Variants in HECTD4 observed in about 807,000 individuals in gnomAD.
HECTD4 encodes probable E3 ubiquitin-protein ligase HECTD4.
A neutral mutation model predicts 471.5 loss-of-function variants in HECTD4; 114 were observed. That is an observed-to-expected ratio of 0.24 (90% CI 0.21 to 0.28). HECTD4 has a LOEUF of 0.28. Among genes scored for constraint, HECTD4 ranks in the 10% least tolerant of loss-of-function variants. HECTD4 has a pLI of 1.00. For missense variants in HECTD4, 3,866 were observed against 5,651.5 expected (o/e 0.68, Z 10.13); for synonymous variants, 2,012 against 2,256.0 (o/e 0.89, Z 3.07).
At chr12:112,351,443 G>T (rs2036246912) in intron 1 of HECTD4, among the ~76,000 whole-genome samples, 1 of 152,166 alleles carries the variant, frequency 6.6e-6, no homozygotes, top group African/African-American at 2.4e-5. Flanking sequence ...TAACAGCATG[G>T]AGATCTTCTC....
intron 7 of HECTD4, among the ~76,000 whole-genome samples, chr12:112,302,833 A>G (rs1405265885): frequency 2.6e-5 from 4 of 152,158 alleles, no homozygotes; most frequent in Non-Finnish European, 5.9e-5. Flanking sequence ...ACAAAAGAAA[A>G]AAGAATAGAA....
intron 1 of HECTD4, among the ~76,000 whole-genome samples, chr12:112,368,667 T>C (rs531958301): frequency 2.4e-4 from 36 of 152,294 alleles, no homozygotes; most frequent in Admixed American, 1.6e-3. Context: ...TTTATCTATA[T>C]AAAAATATGA....
intron 62 of HECTD4, among the ~76,000 whole-genome samples, chr12:112,181,606 G>A (rs1184740608): frequency 6.6e-6 from 1 of 152,172 alleles, no homozygotes; most frequent in Non-Finnish European, 1.5e-5. Context: ...GGGACTACAG[G>A]CATACGCCAC....
In HECTD4 at chr12:112,185,287, T is replaced by G. The variant is rs1182168442; in HGVS notation, c.9679A>C (p.Thr3227Pro). The G allele has an allele frequency of 1.3e-6, 2 of 1,554,512 alleles. No individual in the cohort carries two copies. The highest frequency in any genetic ancestry group is 8.7e-7 in the Non-Finnish European group (1 of 1,148,874). ...SELHKLYDEE[T>P]QNWVSGGACG... ...GCGCCGCCTGAGACCCAGTTCTGCG[T>G]CTCCTCGTCGTACAGCTTGTGGAGC... The change falls in exon 61 of 76, where the codon ACG (threonine) becomes CCG (proline). Residue 3227 changes from threonine to proline, a missense_variant. Physicochemically the swap from Thr to Pro is conservative, Grantham distance 38 (BLOSUM62 -1). Around this residue, in one of 16 missense-constraint regions of HECTD4, gnomAD observed 364 missense variants for 413.2 expected, o/e 0.88. Coordinates refer to ENST00000682272, the MANE Select transcript of HECTD4 (RefSeq NM_001388303.1).
At chr12:112,215,037 C>T (rs537653528) in intron 48 of HECTD4, among the ~76,000 whole-genome samples, 1 of 152,214 alleles carries the variant, frequency 6.6e-6, no homozygotes, top group African/African-American at 2.4e-5. Flanking sequence ...CCTGTAATCC[C>T]AGCTATTTGG....
chr12:112,194,293 T>C lies in HECTD4; in HGVS notation c.8749+592A>G, dbSNP rs1281425237. On this transcript the variant is annotated intron_variant, in intron 56 of 75. Transcript: ENST00000682272. The surrounding 1 kb of genome is among the most constrained non-coding windows in gnomAD (Gnocchi z 4.6). ...ATCTGCAAGTGAGCTTTGAGGGGTG[T>C]CCCCTGCCTGCCTCACTTCTTGTTC... 6.6e-6 allele frequency among the ~76,000 whole-genome samples: 1 copy of C among 152,208 alleles called. No individual in the cohort carries two copies. The highest frequency in any genetic ancestry group is 1.5e-5 in the Non-Finnish European group (1 of 68,036).
intron 8 of HECTD4, among the ~76,000 whole-genome samples, chr12:112,281,555 A>G (rs1432094194): frequency 6.6e-6 from 1 of 152,020 alleles, no homozygotes; most frequent in African/African-American, 2.4e-5. Flanking sequence ...AAACAAAAAC[A>G]AAAAAAACTG....
intron 55 of HECTD4, among the ~76,000 whole-genome samples, chr12:112,199,486 A>G (rs539061317): frequency 6.6e-6 from 1 of 152,360 alleles, no homozygotes; most frequent in South Asian, 2.1e-4. Context: ...AAAATTGTCA[A>G]CATCATGAGA....
chr12:112,306,018 A>G (rs2035265019), intron 7 of HECTD4, 46 bp downstream of exon 7: 1 of 1,550,550 alleles, frequency 6.4e-7, no homozygotes, highest in Non-Finnish European at 8.7e-7. Flanking sequence ...AAGAAAGCAA[A>G]CAGAAATGTT....
At chr12:112,283,562 T>A (rs1333604187) in intron 7 of HECTD4, among the ~76,000 whole-genome samples, 2 of 152,218 alleles carry the variant, frequency 1.3e-5, no homozygotes, top group Non-Finnish European at 2.9e-5. Context: ...TTCCTTACAC[T>A]GGATTCCACA....
intron 45 of HECTD4, among the ~76,000 whole-genome samples, chr12:112,218,261 A>G (rs1465797061): frequency 6.6e-6 from 1 of 152,062 alleles, no homozygotes; most frequent in African/African-American, 2.4e-5. Context: ...TGGTAGGTGT[A>G]TATATTTATG....
At chr12:112,368,066 T>A (rs572329033) in intron 1 of HECTD4, among the ~76,000 whole-genome samples, 1 of 152,318 alleles carries the variant, frequency 6.6e-6, no homozygotes, top group South Asian at 2.1e-4. Context: ...TCTGTAGTTA[T>A]TAGCATTACT....
intron 1 of HECTD4, among the ~76,000 whole-genome samples, chr12:112,331,773 C>T (rs1219585316): frequency 6.6e-6 from 1 of 152,158 alleles, no homozygotes; most frequent in Non-Finnish European, 1.5e-5. Context: ...TTGAGTTAAA[C>T]ACAAGCTTCA....
chr12:112,175,197 C>G (rs1201789324), intron 66 of HECTD4, among the ~76,000 whole-genome samples: 1 of 152,136 alleles, frequency 6.6e-6, no homozygotes, highest in Non-Finnish European at 1.5e-5. Context: ...AGCCCTAATC[C>G]CCAGTGTGAC....
intron 1 of HECTD4, among the ~76,000 whole-genome samples, chr12:112,378,831 C>CA (rs2036833693): frequency 6.6e-6 from 1 of 152,020 alleles, no homozygotes; most frequent in African/African-American, 2.4e-5. Flanking sequence ...ATCACAAGGT[C>CA]AGGAGATTGA....
At chr12:112,251,446 C>A (rs2033884666) in intron 23 of HECTD4, among the ~76,000 whole-genome samples, 1 of 152,212 alleles carries the variant, frequency 6.6e-6, no homozygotes, top group African/African-American at 2.4e-5. Context: ...CTCTGTTGTG[C>A]CCACCTAAGT....
chr12:112,363,873 G>A (rs2036503295), intron 1 of HECTD4, among the ~76,000 whole-genome samples: 1 of 151,584 alleles, frequency 6.6e-6, no homozygotes, highest in Non-Finnish European at 1.5e-5. Context: ...CTACTCAGGA[G>A]GCTGAGGCAG....
In HECTD4 at chr12:112,270,331, G is replaced by A. The variant is rs2034387687; in HGVS notation, c.2071C>T (p.His691Tyr). The change falls in exon 12 of 76, where the codon CAT becomes TAT. Residue 691 changes from histidine (H) to tyrosine (Y), a missense_variant. Coordinates refer to ENST00000682272, the MANE Select transcript of HECTD4 (RefSeq NM_001388303.1). ...LPITSVLGKQ[H>Y]PIEAHHLSSI... Reference sequence around the variant, plus strand: ...CTAAGATGATGTGCTTCAATTGGATGCTGCTTGCCCAAGACACTTGTGATT... The same window carrying A: ...CTAAGATGATGTGCTTCAATTGGATACTGCTTGCCCAAGACACTTGTGATT... The A allele has an allele frequency of 1.9e-6, 3 of 1,613,922 alleles. No homozygotes were observed. Among genetic ancestry groups the A allele is most frequent in the Admixed American group, 1.7e-5 (1 of 60,012 alleles).
chr12:112,220,096 G>A (rs2033046233), intron 44 of HECTD4, among the ~76,000 whole-genome samples: 1 of 152,206 alleles, frequency 6.6e-6, no homozygotes, highest in African/African-American at 2.4e-5. Context: ...TCACAGGGCT[G>A]TTGTGAAGAT....
Sources: allele counts gnomAD v4.1 joint callset (sites outside exome capture counted in the v4.1 genomes callset), GRCh38; gene constraint gnomAD v4.1.1; regional missense constraint gnomAD v4.1.1; non-coding constraint Gnocchi (gnomAD v3.1); transcripts MANE v1.5; gene names NCBI Gene and HGNC (gene_info 2026-07-23, HGNC 2026-07-21).